LRP1B: variants seen among roughly 807,000 people sequenced by gnomAD.
LRP1B encodes the protein LDL receptor related protein 1B, also known as low-density lipoprotein receptor-related protein 1B.
In LRP1B, 217 loss-of-function variants were observed where a neutral mutation model predicts 556.6. The ratio of observed to expected loss-of-function variants is 0.39; its 90% CI spans 0.35 to 0.44. The LOEUF (loss-of-function observed/expected upper bound fraction) is 0.44. LRP1B is among the 20% of genes least tolerant of loss of function. The probability of loss-of-function intolerance (pLI) is 1.00; values close to 1 mark genes in which losing one functional copy is unlikely to be tolerated. For missense variants in LRP1B, 5,053 were observed against 5,620.8 expected (o/e 0.90, Z 3.23); for synonymous variants, 2,047 against 1,865.8 (o/e 1.10, Z -2.50).
intron 7 of LRP1B, among the ~76,000 whole-genome samples, chr2:141,107,879 G>A (rs1922707): frequency 6.6e-6 from 1 of 151,622 alleles, no homozygotes; most frequent in Non-Finnish European, 1.5e-5. Flanking sequence ...ATTTCTCAAC[G>A]TGTATGTAAC....
Position 140,487,669 on chromosome 2 carries a change from C to G in LRP1B, c.9191G>C (p.Arg3064Pro), listed in dbSNP as rs1196321476. The stretch of plus-strand genomic sequence containing the variant: ...TCTATTTATGCGACTGCCATTGGGT[C>G]GGCTAGAATCGATCCAATAGATGAA... ...EEFIYWIDSS[R>P]PNGSRINRMC... The change falls in exon 58 of 91, where the codon CGA (arginine) becomes CCA (proline). Residue 3064 changes from arginine (R) to proline (P), a missense_variant. Physicochemically the swap from Arg to Pro is moderately radical, Grantham distance 103. This residue lies in a region of LRP1B where 3,619 missense variants were observed against 3,931.9 expected (regional missense o/e 0.92). Coordinates refer to ENST00000389484, the MANE Select transcript of LRP1B (RefSeq NM_018557.3). The G allele has an allele frequency of 6.2e-7, 1 of 1,604,874 alleles. No homozygotes were observed. Among genetic ancestry groups the G allele is most frequent in the Non-Finnish European group, 8.5e-7 (1 of 1,174,046 alleles).
At chr2:141,470,484 C>T (rs756766763) in intron 3 of LRP1B, among the ~76,000 whole-genome samples, 1 of 152,100 alleles carries the variant, frequency 6.6e-6, no homozygotes, top group African/African-American at 2.4e-5. Flanking sequence ...ATTCTACAAG[C>T]CATCTTGCTG....
chr2:140,420,226 T>TA (rs201026040), intron 66 of LRP1B, among the ~76,000 whole-genome samples: 34 of 150,392 alleles, frequency 2.3e-4, no homozygotes, highest in East Asian at 9.7e-4. Context: ...ATCAGTTCAA[T>TA]AAAAAAAAAG....
chr2:140,422,734 C>T (rs1009777437), intron 66 of LRP1B, among the ~76,000 whole-genome samples: 1 of 152,128 alleles, frequency 6.6e-6, no homozygotes, highest in African/African-American at 2.4e-5. Context: ...ATAAAAAGAG[C>T]AGTAATTGTT....
At chr2:140,424,944 A>T (rs1685592960) in intron 66 of LRP1B, among the ~76,000 whole-genome samples, 1 of 152,204 alleles carries the variant, frequency 6.6e-6, no homozygotes, top group Admixed American at 6.5e-5. Flanking sequence ...AATTATTTTA[A>T]AGTAGAATTT....
intron 25 of LRP1B, among the ~76,000 whole-genome samples, chr2:140,881,591 CTA>C (rs1693477069): frequency 6.6e-6 from 1 of 151,908 alleles, no homozygotes; most frequent in African/African-American, 2.4e-5. Context: ...TATCCAAACT[CTA>C]GTCATTTATT....
intron 5 of LRP1B, among the ~76,000 whole-genome samples, chr2:141,231,232 A>G (rs1683449374): frequency 6.6e-6 from 1 of 152,222 alleles, no homozygotes; most frequent in South Asian, 2.1e-4. Context: ...GTTTTGAAGC[A>G]GTATTATTTA....
intron 1 of LRP1B, among the ~76,000 whole-genome samples, chr2:141,885,629 G>C (rs957203638): frequency 5.3e-5 from 8 of 152,186 alleles, no homozygotes; most frequent in African/African-American, 1.9e-4. Context: ...GAATGATCAA[G>C]CATGATTACA....
At chr2:142,115,612 A>ATATATGTAATATATATAT (rs1559079925) in intron 1 of LRP1B, among the ~76,000 whole-genome samples, 1 of 26,426 alleles carries the variant, frequency 3.8e-5, no homozygotes, top group African/African-American at 1.1e-4. Flanking sequence ...AATATATATT[A>ATATATGTAATATATATAT]TATATATGTA....
chr2:140,276,227 TTATC>T (rs1682666974), intron 84 of LRP1B, among the ~76,000 whole-genome samples: 1 of 151,996 alleles, frequency 6.6e-6, no homozygotes. Context: ...ATGTTTATGT[TTATC>T]TAGCCCTTTA....
intron 83 of LRP1B, among the ~76,000 whole-genome samples, chr2:140,311,257 G>A (rs1204639441): frequency 6.6e-6 from 1 of 151,714 alleles, no homozygotes; most frequent in Non-Finnish European, 1.5e-5. Context: ...ATTCACAACA[G>A]GAAAAATATG....
chr2:140,535,080 T>A (rs1690889559), intron 46 of LRP1B, among the ~76,000 whole-genome samples: 2 of 152,102 alleles, frequency 1.3e-5, no homozygotes, highest in South Asian at 4.1e-4. Context: ...CTAAGAATAG[T>A]TTTTACATTT....
At chr2:140,664,342 G>A (rs911460840) in intron 41 of LRP1B, among the ~76,000 whole-genome samples, 10 of 152,002 alleles carry the variant, frequency 6.6e-5, no homozygotes, top group Non-Finnish European at 1.3e-4. Context: ...AACGCAAAAT[G>A]CAATAAAATG....
chr2:140,346,275 TATA>T lies in LRP1B; in HGVS notation c.11892+4519_11892+4521del, dbSNP rs1388293103. ...CTCAGCATAATTTATTGTAGACTCA[TATA>T]ATAATTATCATTGGTATATTTTTAA... On this transcript the variant is annotated intron_variant, in intron 77 of 90. Transcript: ENST00000389484. Among the ~76,000 whole-genome samples the T allele has an allele frequency of 6.6e-5, 10 of 151,944 alleles. 3 individuals carry two copies. The highest frequency in any genetic ancestry group is 2.4e-4 in the African/African-American group (10 of 41,514).
intron 49 of LRP1B, among the ~76,000 whole-genome samples, chr2:140,522,250 G>T (rs894487792): frequency 7.2e-5 from 11 of 151,736 alleles, no homozygotes; most frequent in African/African-American, 2.7e-4. Context: ...AATAAAAATA[G>T]AAAAAGTAGA....
chr2:141,989,949 A>G (rs776757279), intron 1 of LRP1B, among the ~76,000 whole-genome samples: 19 of 152,108 alleles, frequency 1.2e-4, no homozygotes, highest in South Asian at 4.1e-4. Flanking sequence ...ATCTCATGCT[A>G]ATAACCAATT....
rs140559405 is a variant in LRP1B, at chr2:141,754,933, T to C, written c.205+55346A>G. ...TATCTAATTTCCAGGAATAAATGAATAGTTCCTAAAGAAGATTTGGATTAT... is the reference window on the plus strand; with the variant it reads ...TATCTAATTTCCAGGAATAAATGAACAGTTCCTAAAGAAGATTTGGATTAT... On this transcript the variant is annotated intron_variant, in intron 2 of 90. Coordinates refer to ENST00000389484, the MANE Select transcript of LRP1B (RefSeq NM_018557.3). Among the ~76,000 whole-genome samples the C allele has an allele frequency of 2.4e-3, 366 of 152,168 alleles. 1 individual carries two copies. The highest frequency in any genetic ancestry group is 8.4e-3 in the African/African-American group (347 of 41,546).
In LRP1B at chr2:140,908,097, T is replaced by C. The variant is rs1303857926; in HGVS notation, c.3320-20A>G. The stretch of plus-strand genomic sequence containing the variant: ...ATCTCCCTTAAGAAAACAGAAATAG[T>C]GTCAGTTTGATTTTTGTGATTAGGT... On this transcript the variant is annotated intron_variant, in intron 21 of 90. Coordinates refer to ENST00000389484, the MANE Select transcript of LRP1B (RefSeq NM_018557.3). 5.0e-6 allele frequency: 8 copies of C among 1,598,864 alleles called. No individual in the cohort carries two copies. Among genetic ancestry groups the C allele is most frequent in the Non-Finnish European group, 6.9e-6 (8 of 1,167,204 alleles).
chr2:141,976,151 T>C (rs1392781721), intron 1 of LRP1B, among the ~76,000 whole-genome samples: 1 of 152,142 alleles, frequency 6.6e-6, no homozygotes, highest in Non-Finnish European at 1.5e-5. Flanking sequence ...AGTTCTTGTT[T>C]CTCCTACACT....
Sources: gnomAD v4.1 joint callset for allele counts (sites outside exome capture counted in the v4.1 genomes callset) on GRCh38, gnomAD v4.1.1 for gene constraint, gnomAD v4.1.1 regional missense constraint, MANE v1.5 for transcripts, NCBI Gene and HGNC (gene_info 2026-07-23, HGNC 2026-07-21) for gene names.